Variants in KIAA0825 observed in about 807,000 individuals in gnomAD.
KIAA0825 encodes the protein uncharacterized protein KIAA0825.
Under a neutral mutation model 147.6 loss-of-function variants are expected in KIAA0825, and 119 were observed. That is an observed-to-expected ratio of 0.81 (90% CI 0.69 to 0.94). The LOEUF (loss-of-function observed/expected upper bound fraction) is 0.94, where lower values mean the gene tolerates loss of function less well. Ranked by LOEUF, KIAA0825 falls within the 40% of genes least tolerant of loss-of-function variation. The pLI is 0.00. For missense variants in KIAA0825, 1,381 were observed against 1,472.7 expected (o/e 0.94, Z 1.02); for synonymous variants, 470 against 518.1 (o/e 0.91, Z 1.26).
chr5:94,593,663 G>T, intron 1 of KIAA0825: 1 of 417,098 alleles, frequency 2.4e-6, no homozygotes, highest in Non-Finnish European at 4.6e-6. Flanking sequence ...GATATAGAAA[G>T]CAGAAATTCA....
At chr5:94,280,427 T>C (rs1296259607) in intron 20 of KIAA0825, among the ~76,000 whole-genome samples, 4 of 152,114 alleles carry the variant, frequency 2.6e-5, no homozygotes, top group Non-Finnish European at 5.9e-5. Context: ...TCAGTATTCA[T>C]CTATCATGAG....
At chr5:94,223,385 T>C (rs1399700644) in intron 20 of KIAA0825, among the ~76,000 whole-genome samples, 2 of 152,160 alleles carry the variant, frequency 1.3e-5, no homozygotes, top group African/African-American at 4.8e-5. Flanking sequence ...CCCAAAAGTA[T>C]ACCTCACGTA....
intron 20 of KIAA0825, among the ~76,000 whole-genome samples, chr5:94,253,092 A>T (rs2150123760): frequency 6.6e-6 from 1 of 152,242 alleles, no homozygotes; most frequent in Non-Finnish European, 1.5e-5. Context: ...TTAAACAAAA[A>T]CAGAATACAG....
intron 13 of KIAA0825, among the ~76,000 whole-genome samples, chr5:94,441,724 C>T (rs1272909588): frequency 6.6e-6 from 1 of 152,160 alleles, no homozygotes; most frequent in African/African-American, 2.4e-5. Context: ...GACTTTCAGC[C>T]TCCAGAACCA....
At chr5:94,197,700 G>A (rs1332684806) in intron 20 of KIAA0825, among the ~76,000 whole-genome samples, 5 of 152,100 alleles carry the variant, frequency 3.3e-5, no homozygotes, top group Admixed American at 1.3e-4. Flanking sequence ...ATGGCTAGCC[G>A]GTTATCCCAG....
At chr5:94,249,191 C>G (rs1775808172) in intron 20 of KIAA0825, among the ~76,000 whole-genome samples, 1 of 152,078 alleles carries the variant, frequency 6.6e-6, no homozygotes, top group African/African-American at 2.4e-5. Context: ...AGGAATTTAT[C>G]TTCTGTATGT....
chr5:94,471,438 C>T (rs1432040880), intron 9 of KIAA0825, 28 bp downstream of exon 9: 1 of 1,544,820 alleles, frequency 6.5e-7, no homozygotes, highest in African/African-American at 1.4e-5. Context: ...TTAAGCGTGG[C>T]CATCATCTTA....
At chr5:94,450,891 T>G (rs1207899713) in intron 13 of KIAA0825, among the ~76,000 whole-genome samples, 1 of 152,142 alleles carries the variant, frequency 6.6e-6, no homozygotes, top group Non-Finnish European at 1.5e-5. Context: ...TGCTCTTCCC[T>G]TTGAAAGGTG....
chr5:94,555,348 T>C (rs1313366810), intron 2 of KIAA0825, among the ~76,000 whole-genome samples: 1 of 152,168 alleles, frequency 6.6e-6, no homozygotes, highest in Admixed American at 6.5e-5. Context: ...TTTTCTCAAC[T>C]CTTATCTATA....
chr5:94,368,473 C>G (rs1227855102), intron 20 of KIAA0825, among the ~76,000 whole-genome samples: 1 of 152,136 alleles, frequency 6.6e-6, no homozygotes, highest in African/African-American at 2.4e-5. Context: ...CACCCCTGAC[C>G]AGTTATTTGC....
intron 20 of KIAA0825, among the ~76,000 whole-genome samples, chr5:94,249,797 T>TG (rs1212664711): frequency 1.4e-5 from 2 of 141,030 alleles, no homozygotes; most frequent in African/African-American, 5.3e-5. Context: ...TTTGCTCTGC[T>TG]GGTTTTTTTT....
At position 94,547,407 on chromosome 5, in the gene KIAA0825, C is replaced by T. The variant is rs60713899; in HGVS notation, c.-1-10280G>A. 6.2e-3 allele frequency among the ~76,000 whole-genome samples: 937 copies of T among 152,112 alleles called. 14 individuals carry two copies. The highest frequency in any genetic ancestry group is 0.021 in the African/African-American group (887 of 41,476). On this transcript the variant is annotated intron_variant, in intron 2 of 20. Coordinates refer to ENST00000682413, the MANE Select transcript of KIAA0825 (RefSeq NM_001145678.3). ...TAACCCAAAGAAGACTACCTCAAGG[C>T]ATTTAATAATCAAACTCCCAAAAGT...
intron 20 of KIAA0825, among the ~76,000 whole-genome samples, chr5:94,279,377 C>T (rs73773617): frequency 0.01 from 1,588 of 152,104 alleles, 23 homozygotes; most frequent in African/African-American, 0.037. Flanking sequence ...GCTAGACAAT[C>T]TATTGAAACC....
intron 20 of KIAA0825, among the ~76,000 whole-genome samples, chr5:94,267,228 T>C (rs1235566382): frequency 2.6e-5 from 4 of 152,166 alleles, no homozygotes; most frequent in Admixed American, 2.6e-4. Context: ...GGTTTGAAAA[T>C]ATCATTGCAG....
intron 20 of KIAA0825, among the ~76,000 whole-genome samples, chr5:94,229,538 T>C (rs1015322460): frequency 6.6e-6 from 1 of 150,908 alleles, no homozygotes; most frequent in African/African-American, 2.4e-5. Context: ...TGTTTGGTAA[T>C]CTTCTTTCTG....
chr5:94,415,805 G>C (rs308201), intron 15 of KIAA0825: 152,359 of 152,364 alleles, frequency 1, 76,177 homozygotes, highest in Middle Eastern at 1. Context: ...GTTTTATTTT[G>C]CCTAGCAGCA....
At chr5:94,422,281 T>C (rs531445660) in intron 14 of KIAA0825, among the ~76,000 whole-genome samples, 1 of 152,214 alleles carries the variant, frequency 6.6e-6, no homozygotes, top group South Asian at 2.1e-4. Flanking sequence ...AAGAAAGAAA[T>C]GTCCTCCTCT....
rs11363132 is a variant in KIAA0825, at chr5:94,151,423, CAAAAAAAAAA to C, written c.*2574_*2583del. Among the ~76,000 whole-genome samples, 10 of 21,522 alleles carry C rather than the reference CAAAAAAAAAA, an allele frequency of 4.6e-4. No individual in the cohort carries two copies. In the South Asian group the frequency reaches 7.9e-3, roughly 17 times the overall value. 14.1% of individuals were successfully genotyped at this position (21,522 alleles called of 152,430 possible). On this transcript the variant is annotated 3_prime_UTR_variant, in exon 21 of 21. Coordinates refer to ENST00000682413, the MANE Select transcript of KIAA0825 (RefSeq NM_001145678.3). ...TGGGCGACAGAGCGAGACTCCGTCTCAAAAAAAAAAAAAAAAAAAAAAAAAAAACATATTG... is the reference window on the plus strand; with the variant it reads ...TGGGCGACAGAGCGAGACTCCGTCTCAAAAAAAAAAAAAAAAAACATATTG...
At chr5:94,456,699 A>T (rs895641379) in intron 12 of KIAA0825, among the ~76,000 whole-genome samples, 3 of 152,246 alleles carry the variant, frequency 2.0e-5, no homozygotes, top group African/African-American at 7.2e-5. Context: ...ATGAAGATTA[A>T]GTGTAATAAT....
Sources: allele counts gnomAD v4.1 joint callset (sites outside exome capture counted in the v4.1 genomes callset), GRCh38; gene constraint gnomAD v4.1.1; transcripts MANE v1.5; gene names NCBI Gene and HGNC (gene_info 2026-07-23, HGNC 2026-07-21).